Variants in TRAK1 observed in about 807,000 individuals in gnomAD.
TRAK1 encodes trafficking kinesin-binding protein 1.
In TRAK1, 33 loss-of-function variants were observed where a neutral mutation model predicts 92.1. The observed-to-expected ratio is 0.36, with a 90% CI of 0.27 to 0.48. TRAK1 has a LOEUF of 0.48. Ranked by LOEUF, TRAK1 falls within the 20% of genes least tolerant of loss-of-function variation. The pLI is 0.99. For missense variants in TRAK1, 1,123 were observed against 1,257.9 expected, an observed-to-expected ratio of 0.89 and a Z score of 1.62; for synonymous variants, 521 against 517.3, an observed-to-expected ratio of 1.01 and a Z score of -0.10.
At chr3:42,118,369 G>A (rs1182400148) in intron 1 of TRAK1, among the ~76,000 whole-genome samples, 1 of 152,190 alleles carries the variant, frequency 6.6e-6, no homozygotes, top group African/African-American at 2.4e-5. Context: ...TGGGATTATA[G>A]GTGTGAGCCA....
intron 2 of TRAK1, among the ~76,000 whole-genome samples, chr3:42,133,099 C>G (rs905078954): frequency 6.6e-6 from 1 of 152,194 alleles, no homozygotes; most frequent in African/African-American, 2.4e-5. Flanking sequence ...ACTCTTGCTT[C>G]TCTGCTGTAC....
rs115869281 is a variant in TRAK1, at chr3:42,060,588, T to C, written c.-518-26516T>C. Among the ~76,000 whole-genome samples, 1,210 of 152,126 alleles carry C rather than the reference T, an allele frequency of 8.0e-3. 6 individuals are homozygous for C. The highest frequency in any genetic ancestry group is 0.013 in the Non-Finnish European group (874 of 67,990). On this transcript the variant is annotated intron_variant, in intron 1 of 16. Transcript: ENST00000487159. ...AAGCCTTAATGTGAATGTTGTCATA[T>C]TAATATCACACCTGTTTGTCAGGTC...
chr3:42,209,520 A>T (rs1346822368), intron 13 of TRAK1, among the ~76,000 whole-genome samples: 2 of 149,546 alleles, frequency 1.3e-5, no homozygotes, highest in African/African-American at 2.5e-5. Flanking sequence ...ATTTTACTTT[A>T]AAAAAAAAAT....
chr3:42,208,462 A>G (rs1559388728), intron 13 of TRAK1, among the ~76,000 whole-genome samples: 2 of 152,076 alleles, frequency 1.3e-5, no homozygotes, highest in Admixed American at 1.3e-4. Flanking sequence ...CCCTCACCCC[A>G]CCGCCTCCCA....
At chr3:42,192,616 C>T (rs1309922554) in intron 7 of TRAK1, among the ~76,000 whole-genome samples, 3 of 152,170 alleles carry the variant, frequency 2.0e-5, no homozygotes, top group Non-Finnish European at 2.9e-5. Context: ...GGGTTGAAAA[C>T]TCCAAGGAAA....
chr3:42,033,492 G>A (rs558411100), intron 1 of TRAK1, among the ~76,000 whole-genome samples: 1 of 152,288 alleles, frequency 6.6e-6, no homozygotes, highest in African/African-American at 2.4e-5. Flanking sequence ...AGGGGCTGAG[G>A]CAGGAGGATC....
chr3:42,071,145 G>A (rs780537805), intron 1 of TRAK1, among the ~76,000 whole-genome samples: 3 of 152,170 alleles, frequency 2.0e-5, no homozygotes, highest in Non-Finnish European at 2.9e-5. Context: ...TTCCTTGTTG[G>A]AGTCATGATT....
At chr3:42,017,122 G>A (rs560387128) in intron 1 of TRAK1, among the ~76,000 whole-genome samples, 27 of 152,282 alleles carry the variant, frequency 1.8e-4, no homozygotes, top group Admixed American at 1.3e-3. Flanking sequence ...GTAGCCGGGC[G>A]TGGCAGCATG....
chr3:42,062,684 G>T (rs1252005334), intron 1 of TRAK1, among the ~76,000 whole-genome samples: 3 of 152,218 alleles, frequency 2.0e-5, no homozygotes, highest in African/African-American at 7.2e-5. Context: ...GTATTATGCT[G>T]TTGAGAAAAA....
At chr3:42,106,474 T>G (rs1973444) in intron 1 of TRAK1, among the ~76,000 whole-genome samples, 18,347 of 152,190 alleles carry the variant, frequency 0.12, 1,358 homozygotes, top group South Asian at 0.18. Flanking sequence ...AAGAAGAGTT[T>G]GAGACCAGCC....
chr3:42,184,985 T>C, intron 4 of TRAK1, 184 bp downstream of exon 4: 1 of 566,572 alleles, frequency 1.8e-6, no homozygotes. Flanking sequence ...GCCACCTTCC[T>C]GCAGCTCCTG....
At chr3:42,081,234 C>T (rs966282353) in intron 1 of TRAK1, among the ~76,000 whole-genome samples, 6 of 152,116 alleles carry the variant, frequency 3.9e-5, no homozygotes, top group African/African-American at 7.2e-5. Flanking sequence ...AGGTTAAACT[C>T]GAGCCAGCCT....
chr3:42,178,554 G>A (rs1406520660), intron 3 of TRAK1, among the ~76,000 whole-genome samples: 3 of 152,144 alleles, frequency 2.0e-5, no homozygotes, highest in African/African-American at 4.8e-5. Context: ...TGAGCCCCAG[G>A]CATAGGAGTC....
At chr3:42,079,864 G>A (rs1279276486) in intron 1 of TRAK1, among the ~76,000 whole-genome samples, 1 of 152,064 alleles carries the variant, frequency 6.6e-6, no homozygotes, top group Non-Finnish European at 1.5e-5. Flanking sequence ...CTGTCTGCTC[G>A]TGATCTCCTA....
chr3:42,173,987 TA>T (rs1269969053), intron 2 of TRAK1, among the ~76,000 whole-genome samples: 1 of 152,158 alleles, frequency 6.6e-6, no homozygotes, highest in Non-Finnish European at 1.5e-5. Flanking sequence ...AAAATGGTGT[TA>T]ATATAAGTGC....
rs533189868 is a variant in TRAK1 at position 42,131,756 on chromosome 3, A to T, written c.286+6142A>T. 2.3e-4 allele frequency among the ~76,000 whole-genome samples: 34 copies of T among 147,192 alleles called. No homozygotes were observed. In the South Asian group the frequency reaches 3.3e-3, roughly 14 times the overall value. ...AAACAAATAAAAATAAATAAAATTT[A>T]AAAAAAAAATACAATCCTTGGCCAG... is the stretch of plus-strand genomic sequence containing the variant. On this transcript the variant is annotated intron_variant, in intron 2 of 15. Transcript: ENST00000327628.
intron 2 of TRAK1, among the ~76,000 whole-genome samples, chr3:42,145,242 C>T (rs553377172): frequency 4.6e-5 from 7 of 152,246 alleles, no homozygotes; most frequent in East Asian, 3.9e-4. Context: ...TCCAGCACTT[C>T]GGGAGGCCAA....
At chr3:42,210,363 G>A (rs1407149609) in intron 14 of TRAK1, 2 of 1,340,208 alleles carry the variant, frequency 1.5e-6, no homozygotes, top group African/African-American at 3.2e-5. Context: ...GAGGTGCATG[G>A]CCCATCAGGG....
At chr3:42,144,778 G>C (rs1319446611) in intron 2 of TRAK1, among the ~76,000 whole-genome samples, 6 of 151,682 alleles carry the variant, frequency 4.0e-5, no homozygotes, top group Non-Finnish European at 5.9e-5. Flanking sequence ...TTTGTTTCTT[G>C]TTTCTGTTAC....
Sources: gnomAD v4.1 joint callset for allele counts (sites outside exome capture counted in the v4.1 genomes callset) on GRCh38, gnomAD v4.1.1 for gene constraint, MANE v1.5 for transcripts, NCBI Gene and HGNC (gene_info 2026-07-23, HGNC 2026-07-21) for gene names.